The following VAC14 variants were observed in gnomAD, a reference collection of about 807,000 sequenced individuals.
VAC14 encodes VAC14 component of PIKFYVE complex.
A neutral mutation model predicts 85.3 loss-of-function variants in VAC14; 47 were observed. The observed-to-expected ratio is 0.55, with a 90% CI of 0.44 to 0.70. VAC14 has a LOEUF of 0.70. VAC14 is among the 30% of genes least tolerant of loss of function. VAC14 has a pLI of 0.00. For synonymous variants in VAC14, 447 were observed against 430.5 expected (o/e 1.04, Z -0.47); for missense variants, 861 against 1,004.3 (o/e 0.86, Z 1.93).
At chr16:70,793,848 C>G (rs1181013252) in intron 1 of VAC14, among the ~76,000 whole-genome samples, 1 of 152,232 alleles carries the variant, frequency 6.6e-6, no homozygotes, top group Non-Finnish European at 1.5e-5. Flanking sequence ...AAGCTGTGAT[C>G]TTATACATAG....
intron 9 of VAC14, among the ~76,000 whole-genome samples, chr16:70,773,932 ATTT>A (rs766074278): frequency 7.0e-6 from 1 of 142,970 alleles, no homozygotes; most frequent in African/African-American, 2.6e-5. Flanking sequence ...AGCCCGGATA[ATTT>A]TTTTTTTTTT....
intron 14 of VAC14, among the ~76,000 whole-genome samples, chr16:70,722,258 C>T (rs2054312512): frequency 6.6e-6 from 1 of 152,214 alleles, no homozygotes; most frequent in South Asian, 2.1e-4. Flanking sequence ...AGGACTCTTC[C>T]CCGGGCACTG....
At chr16:70,766,818 G>A (rs1597973409) in intron 10 of VAC14, among the ~76,000 whole-genome samples, 1 of 152,178 alleles carries the variant, frequency 6.6e-6, no homozygotes, top group African/African-American at 2.4e-5. Context: ...GCTCTGCTGG[G>A]CAGGGTTGGC....
At chr16:70,749,913 G>A (rs1049950407) in intron 12 of VAC14, among the ~76,000 whole-genome samples, 1 of 152,206 alleles carries the variant, frequency 6.6e-6, no homozygotes, top group Non-Finnish European at 1.5e-5. Context: ...GAAGGCCCTG[G>A]GAGGCAACCT....
At chr16:70,797,692 G>C (rs907363532) in intron 1 of VAC14, among the ~76,000 whole-genome samples, 1 of 152,196 alleles carries the variant, frequency 6.6e-6, no homozygotes, top group Non-Finnish European at 1.5e-5. Context: ...GGGCCTGGTG[G>C]AGGTGGCTGG....
In VAC14 at chr16:70,794,736, C is replaced by A. The variant is rs529674495; in HGVS notation, c.104+6061G>T. On this transcript the variant is annotated intron_variant, in intron 1 of 18. Coordinates refer to ENST00000261776, the MANE Select transcript of VAC14 (RefSeq NM_018052.5). ...AAACAGGTCTGCGTGTAGGTCACAG[C>A]CCCCAGGGGCCAGCCTGTGACCCCG... is the stretch of plus-strand genomic sequence containing the variant. Among the ~76,000 whole-genome samples the A allele has an allele frequency of 1.1e-4, 17 of 152,262 alleles. No individual in the cohort carries two copies. The South Asian group carries it at 3.3e-3, about 30-fold the overall frequency.
chr16:70,772,217 C>T (rs1197791477), intron 9 of VAC14, 45 bp from the exon 10 acceptor site: 3 of 1,550,774 alleles, frequency 1.9e-6, no homozygotes, highest in Non-Finnish European at 2.7e-6. Context: ...GCTGTTGGCT[C>T]TCTTGAATAA....
At chr16:70,717,216 G>A (rs1369826663) in intron 14 of VAC14, among the ~76,000 whole-genome samples, 1 of 152,228 alleles carries the variant, frequency 6.6e-6, no homozygotes, top group Non-Finnish European at 1.5e-5. Flanking sequence ...TGGGTCCCAT[G>A]GGACATGAGC....
At chr16:70,722,408 G>A (rs1018121407) in intron 14 of VAC14, among the ~76,000 whole-genome samples, 1 of 152,246 alleles carries the variant, frequency 6.6e-6, no homozygotes, top group Non-Finnish European at 1.5e-5. Flanking sequence ...GAGGTGCCTG[G>A]TCTGGGCGGC....
chr16:70,695,693 T>TC (rs1046950682), intron 16 of VAC14, 70 bp from the exon 17 acceptor site: 29 of 1,452,748 alleles, frequency 2.0e-5, no homozygotes, highest in Non-Finnish European at 2.0e-5. Flanking sequence ...CCACACGCCC[T>TC]CCCCCCCTGC....
At chr16:70,791,629 G>A (rs533443747) in intron 1 of VAC14, among the ~76,000 whole-genome samples, 5 of 152,242 alleles carry the variant, frequency 3.3e-5, no homozygotes, top group South Asian at 2.1e-4. Flanking sequence ...CTAGTGATCC[G>A]CCCACCTTGG....
intron 14 of VAC14, among the ~76,000 whole-genome samples, chr16:70,721,809 A>G (rs1332069510): frequency 1.3e-5 from 2 of 152,100 alleles, no homozygotes; most frequent in Non-Finnish European, 2.9e-5. Context: ...GGTGAATCCC[A>G]TGGTGCCAGT....
intron 13 of VAC14, among the ~76,000 whole-genome samples, chr16:70,738,804 T>C (rs914883273): frequency 2.6e-5 from 4 of 152,208 alleles, no homozygotes; most frequent in African/African-American, 9.7e-5. Flanking sequence ...AAACTTGGCC[T>C]GTGTGGCCTG....
intron 10 of VAC14, chr16:70,766,320 C>A (rs1471373262): frequency 2.7e-6 from 1 of 367,400 alleles, no homozygotes; most frequent in African/African-American, 2.1e-5. Flanking sequence ...TGCTGCTGGC[C>A]AGCCTGTGGG....
At chr16:70,787,000 G>T (rs2034094650) in intron 1 of VAC14, among the ~76,000 whole-genome samples, 2 of 152,218 alleles carry the variant, frequency 1.3e-5, no homozygotes, top group African/African-American at 4.8e-5. Context: ...GGAAGAGCCT[G>T]GCCAAGGCCA....
intron 10 of VAC14, chr16:70,769,571 A>C (rs1353963387): frequency 6.6e-6 from 1 of 152,280 alleles, no homozygotes; most frequent in African/African-American, 2.4e-5. Context: ...GTCAGGAAGC[A>C]CTAGATCATT....
At chr16:70,799,290 A>G (rs752095004) in intron 1 of VAC14, among the ~76,000 whole-genome samples, 5 of 152,188 alleles carry the variant, frequency 3.3e-5, no homozygotes, top group Non-Finnish European at 1.5e-5. Context: ...GCAATGTGCA[A>G]TAAGACTTGC....
At position 70,744,375 on chromosome 16, in the gene VAC14, C is replaced by T. The variant is rs777135137; in HGVS notation, c.1528+48G>A. The T allele has an allele frequency of 4.3e-6, 7 of 1,611,578 alleles. No homozygotes were observed. In the South Asian group the frequency reaches 7.7e-5, roughly 18 times the overall value. ...CGCCATGGTCCAGCCTAAGACCCGGCACTGGCACTAAGGCCCCTGAGGCTA... is the reference window on the plus strand; with the variant it reads ...CGCCATGGTCCAGCCTAAGACCCGGTACTGGCACTAAGGCCCCTGAGGCTA... On this transcript the variant is annotated intron_variant, in intron 13 of 18. Transcript: ENST00000261776.
intron 17 of VAC14, among the ~76,000 whole-genome samples, chr16:70,694,137 T>A (rs979771257): frequency 6.6e-6 from 1 of 152,194 alleles, no homozygotes; most frequent in Non-Finnish European, 1.5e-5. Flanking sequence ...GACCAGGGTG[T>A]GTCTCTCCTG....
Sources: allele counts gnomAD v4.1 joint callset (sites outside exome capture counted in the v4.1 genomes callset), GRCh38; gene constraint gnomAD v4.1.1; transcripts MANE v1.5; gene names NCBI Gene and HGNC (gene_info 2026-07-23, HGNC 2026-07-21).